Variants in PTCH2 observed in about 807,000 individuals in gnomAD.
The protein encoded by PTCH2 is protein patched homolog 2.
In PTCH2, 96 loss-of-function variants were observed where a neutral mutation model predicts 117.9. That is an observed-to-expected ratio of 0.81 (90% CI 0.69 to 0.96). PTCH2 has a LOEUF of 0.96. Ranked by LOEUF, PTCH2 falls within the 50% of genes least tolerant of loss-of-function variation. The probability of loss-of-function intolerance (pLI) is 0.00; values close to 1 mark genes in which losing one functional copy is unlikely to be tolerated. For synonymous variants in PTCH2, 615 were observed against 660.9 expected (o/e 0.93, Z 1.06); for missense variants, 1,379 against 1,562.5 (o/e 0.88, Z 1.98).
chr1:44,829,802 A>G (rs1653350554), intron 7 of PTCH2, 41 bp from the exon 8 acceptor site: 3 of 1,613,998 alleles, frequency 1.9e-6, no homozygotes, highest in Admixed American at 3.3e-5. Context: ...GAGCTGGCCC[A>G]AACACCTGGT....
Position 44,822,472 on chromosome 1 carries a change from A to G in PTCH2, c.3555T>C (p.Pro1185=). The change falls in exon 22 of 22, where the codon CCT becomes CCC. Residue 1185 remains proline, a synonymous_variant. Coordinates refer to ENST00000372192, the MANE Select transcript of PTCH2 (RefSeq NM_003738.5). ...TGAGGTTGCCAGAGCTAGTGGCAGC[A>G]GGGGACCAAGGGGGCTCATCAGGGG... ...HPAPDEPPWS[P]AATSSGNLSS... The G allele has an allele frequency of 6.2e-7, 1 of 1,613,808 alleles. No individual in the cohort carries two copies. The highest frequency in any genetic ancestry group is 8.5e-7 in the Non-Finnish European group (1 of 1,179,886).
In PTCH2 at chr1:44,826,226, C is replaced by T. The variant is rs772502250; in HGVS notation, c.3114+24G>A. ...TGAATACTGAATCAGCTGATTGGTCCCTCCCCGGGGTGCCCGTGCTCACCA... is the reference window on the plus strand; with the variant it reads ...TGAATACTGAATCAGCTGATTGGTCTCTCCCCGGGGTGCCCGTGCTCACCA... On this transcript the variant is annotated intron_variant, in intron 19 of 21. Transcript: ENST00000372192. This position sits in a 1 kb window ranked among gnomAD's most constrained non-coding sequence, Gnocchi z 5.1. 3 of 1,612,346 alleles carry T rather than the reference C, an allele frequency of 1.9e-6. No homozygotes were observed. The South Asian group carries it at 3.3e-5, about 18-fold the overall frequency.
rs2148879365 is a variant in PTCH2 at position 44,831,102 on chromosome 1, C to T, written c.618-59G>A. ...GGACGAAAACCCAGGCTCCAAACTG[C>T]TGCTGGGGCGCCATGCTGTACCCCA... On this transcript the variant is annotated intron_variant, in intron 5 of 21. Coordinates refer to ENST00000372192, the MANE Select transcript of PTCH2 (RefSeq NM_003738.5). This position sits in a 1 kb window ranked among gnomAD's most constrained non-coding sequence, Gnocchi z 4.3. 6.6e-7 allele frequency: 1 copy of T among 1,519,594 alleles called. No individual in the cohort carries two copies. The highest frequency in any genetic ancestry group is 9.0e-7 in the Non-Finnish European group (1 of 1,108,130). 94.1% of individuals were successfully genotyped at this position (1,519,594 alleles called of 1,614,324 possible).
In PTCH2 at chr1:44,826,927, G is replaced by A. The variant is rs151110219; in HGVS notation, c.2670C>T (p.Tyr890=). The A allele has an allele frequency of 8.7e-6, 14 of 1,614,076 alleles. No individual in the cohort carries two copies. The East Asian group carries it at 1.1e-4, about 13-fold the overall frequency. Reference sequence around the variant, plus strand: ...TGCGAAGGTTCTCCCCCGTGGTGTCGTATTTGTCGTGCAGCCATTCAGGAG... The same window carrying A: ...TGCGAAGGTTCTCCCCCGTGGTGTCATATTTGTCGTGCAGCCATTCAGGAG... ...PPPPEWLHDK[Y]DTTGENLRIP... Residue 890 remains tyrosine, a synonymous_variant, in exon 17 of 22, where the codon TAC becomes TAT. Coordinates refer to ENST00000372192, the MANE Select transcript of PTCH2 (RefSeq NM_003738.5). The surrounding 1 kb of genome is among the most constrained non-coding windows in gnomAD (Gnocchi z 5.1).
At position 44,823,407 on chromosome 1, in the gene PTCH2, G is replaced by A; in HGVS notation, c.3115-22C>T. On this transcript the variant is annotated intron_variant, in intron 19 of 21. Coordinates refer to ENST00000372192, the MANE Select transcript of PTCH2 (RefSeq NM_003738.5). This position sits in a 1 kb window ranked among gnomAD's most constrained non-coding sequence, Gnocchi z 5.1. The stretch of plus-strand genomic sequence containing the variant: ...AGCCCTAGGAAAACAGAGTGGTCCT[G>A]GAGCTGCTCCTCTGCCAGTCATGGC... 6.2e-7 allele frequency: 1 copy of A among 1,614,080 alleles called. No individual in the cohort carries two copies. The highest frequency in any genetic ancestry group is 1.1e-5 in the South Asian group (1 of 91,074).
In PTCH2 at chr1:44,831,018, T is replaced by G. The variant is rs1287616096; in HGVS notation, c.643A>C (p.Asn215His). 2.5e-6 allele frequency: 4 copies of G among 1,611,890 alleles called. No homozygotes were observed. The highest frequency in any genetic ancestry group is 3.4e-6 in the Non-Finnish European group (4 of 1,179,324). The change falls in exon 6 of 22, where the codon AAC (asparagine) becomes CAC (histidine). Residue 215 changes from asparagine (N) to histidine (H), a missense_variant. Physicochemically the swap from Asn to His is moderately conservative, Grantham distance 68. Coordinates refer to ENST00000372192, the MANE Select transcript of PTCH2 (RefSeq NM_003738.5). The surrounding 1 kb of genome is among the most constrained non-coding windows in gnomAD (Gnocchi z 4.3). ...LPGRPDIQWTNLDPEQLLEEL... is the reference protein window; with the variant it reads ...LPGRPDIQWTHLDPEQLLEEL... Reference sequence around the variant, plus strand: ...TCCAGCAGCTGCTCTGGATCCAGGTTGGTCCACTGGATATCCGGGCGGCCG... The same window carrying G: ...TCCAGCAGCTGCTCTGGATCCAGGTGGGTCCACTGGATATCCGGGCGGCCG...
intron 6 of PTCH2, 39 bp from the exon 7 acceptor site, chr1:44,830,069 G>A: frequency 6.2e-7 from 1 of 1,610,488 alleles, no homozygotes; most frequent in East Asian, 2.2e-5. Context: ...CAAGGCCCTG[G>A]CCGTGGATAA....
intron 2 of PTCH2, among the ~76,000 whole-genome samples, chr1:44,835,548 G>A (rs552486227): frequency 6.6e-6 from 1 of 152,290 alleles, no homozygotes; most frequent in African/African-American, 2.4e-5. Flanking sequence ...CACCATGAGA[G>A]TGTAATATGG....
Position 44,830,994 on chromosome 1 carries a change from C to T in PTCH2, c.667G>A (p.Glu223Lys). The part of the protein sequence containing the change: ...WTNLDPEQLL[E>K]ELGPFASLEG... ...AGGGAGGCAAAGGGACCCAGCTCCT[C>T]CAGCAGCTGCTCTGGATCCAGGTTG... is the stretch of plus-strand genomic sequence containing the variant. The change falls in exon 6 of 22, where the codon GAG becomes AAG. Residue 223 changes from glutamate (E) to lysine (K), a missense_variant. Transcript: ENST00000372192. 6.2e-7 allele frequency: 1 copy of T among 1,612,430 alleles called. No individual in the cohort carries two copies. Among genetic ancestry groups the T allele is most frequent in the Non-Finnish European group, 8.5e-7 (1 of 1,179,444 alleles).
rs1038343665 is a variant in PTCH2 at position 44,842,863 on chromosome 1, G to C, written c.70C>G (p.Gln24Glu). ...YTPPARTAAP[Q>E]ILAGSLKAPL... ...CTTCCAGCTCCCCCTCTACTCACCT[G>C]GGGTGCTGCGGTTCGAGCTGGGGGT... is the stretch of plus-strand genomic sequence containing the variant. The change falls in exon 1 of 22, where the codon CAG becomes GAG. Residue 24 changes from glutamine to glutamate, a missense_variant and splice_region_variant. Gln to Glu is a conservative substitution (Grantham distance 29, BLOSUM62 2). Coordinates refer to ENST00000372192, the MANE Select transcript of PTCH2 (RefSeq NM_003738.5). 2.1e-5 allele frequency: 32 copies of C among 1,550,170 alleles called. No individual in the cohort carries two copies. Among genetic ancestry groups the C allele is most frequent in the Middle Eastern group, 1.7e-4 (1 of 6,008 alleles).
At chr1:44,828,960 G>A (rs1332902060) in intron 11 of PTCH2, 22 bp downstream of exon 11, 1 of 1,549,752 alleles carries the variant, frequency 6.5e-7, no homozygotes, top group African/African-American at 1.4e-5. Flanking sequence ...CCTCAGATGA[G>A]CCCTGGGGGA....
At chr1:44,837,600 A>G (rs886927810) in intron 2 of PTCH2, among the ~76,000 whole-genome samples, 3 of 152,020 alleles carry the variant, frequency 2.0e-5, no homozygotes, top group African/African-American at 7.2e-5. Context: ...GGTTTTTGCC[A>G]TGTTGCCCAG....
intron 2 of PTCH2, among the ~76,000 whole-genome samples, chr1:44,839,376 A>AAAAAAC (rs1553166243): frequency 7.2e-6 from 1 of 138,364 alleles, no homozygotes; most frequent in East Asian, 2.3e-4. Context: ...AAAAAAAAAA[A>AAAAAAC]AAAAAAACAG....
intron 19 of PTCH2, among the ~76,000 whole-genome samples, chr1:44,824,339 GA>G (rs1431065024): frequency 6.6e-6 from 1 of 152,174 alleles, no homozygotes; most frequent in Non-Finnish European, 1.5e-5. Flanking sequence ...GAAAGGAAGG[GA>G]GCTGTTTGTG....
chr1:44,828,235 G>A (rs1186358344), intron 13 of PTCH2, 44 bp from the exon 14 acceptor site: 2 of 1,612,564 alleles, frequency 1.2e-6, no homozygotes, highest in Admixed American at 1.7e-5. Context: ...GCCTTGAAAT[G>A]CTGGTGAGGG....
chr1:44,825,338 A>AT, intron 19 of PTCH2, among the ~76,000 whole-genome samples: 1 of 151,522 alleles, frequency 6.6e-6, no homozygotes, highest in African/African-American at 2.4e-5. Flanking sequence ...GGGTTTCACC[A>AT]TGTCGGCCAG....
Position 44,829,504 on chromosome 1 carries a change from A to C in PTCH2, c.1113T>G (p.Ala371=). ...AGGAGAAGGCATGGATCTGCTGGGAAGCGTTCTCAGGCAGGGCCTCCTGGG... is the reference window on the plus strand; with the variant it reads ...AGGAGAAGGCATGGATCTGCTGGGACGCGTTCTCAGGCAGGGCCTCCTGGG... ...QLAQEALPEN[A]SQQIHAFSST... Residue 371 remains alanine (A), a synonymous_variant, in exon 9 of 22, where the codon GCT becomes GCG. Coordinates refer to ENST00000372192, the MANE Select transcript of PTCH2 (RefSeq NM_003738.5). The C allele has an allele frequency of 6.2e-7, 1 of 1,614,222 alleles. No homozygotes were observed. Among genetic ancestry groups the C allele is most frequent in the Non-Finnish European group, 8.5e-7 (1 of 1,180,030 alleles).
At chr1:44,835,626 G>A (rs760718248) in intron 2 of PTCH2, among the ~76,000 whole-genome samples, 6 of 152,138 alleles carry the variant, frequency 3.9e-5, no homozygotes, top group Non-Finnish European at 7.3e-5. Context: ...GAAGTTTCAC[G>A]TGTAAAGGCC....
At position 44,823,180 on chromosome 1, in the gene PTCH2, G is replaced by A. The variant is rs757126865; in HGVS notation, c.3258-12C>T. 1 of 1,614,032 alleles carries A rather than the reference G, an allele frequency of 6.2e-7. No individual in the cohort carries two copies. On this transcript the variant is annotated splice_polypyrimidine_tract_variant and intron_variant, in intron 20 of 21. Transcript: ENST00000372192. This position sits in a 1 kb window ranked among gnomAD's most constrained non-coding sequence, Gnocchi z 5.1. ...CCGCAAAGAAGTACCTAGGGGTAGG[G>A]TGTGGGGGGAGTCAGCCCAGGCCTG...
Sources: gnomAD v4.1 joint callset for allele counts (sites outside exome capture counted in the v4.1 genomes callset) on GRCh38, gnomAD v4.1.1 for gene constraint, Gnocchi (gnomAD v3.1) non-coding constraint, MANE v1.5 for transcripts, NCBI Gene and HGNC (gene_info 2026-07-23, HGNC 2026-07-21) for gene names.